The following OR6N1 variants were observed in gnomAD, a reference collection of about 807,000 sequenced individuals.
OR6N1 encodes olfactory receptor 6N1.
For missense variants in OR6N1, 394 were observed against 371.7 expected (o/e 1.06, Z -0.49); for synonymous variants, 170 against 150.7 (o/e 1.13, Z -0.94).
chr1:158,779,693 G>A, the OR6N1 span, among the ~76,000 whole-genome samples: 333 of 152,180 alleles, frequency 2.2e-3, 7 homozygotes, highest in African/African-American at 7.2e-3. Flanking sequence ...AGAAATTCTC[G>A]CTTCATTACA....
chr1:158,767,176 G>T (rs1338351265), intron 1 of OR6N1, among the ~76,000 whole-genome samples: 2 of 151,728 alleles, frequency 1.3e-5, no homozygotes, highest in Admixed American at 6.6e-5. Context: ...CAACTTTCTG[G>T]CTACCAAAGA....
At position 158,765,891 on chromosome 1, in the gene OR6N1, C is replaced by T; in HGVS notation, c.792G>A (p.Lys264=). 1 of 1,614,156 alleles carries T rather than the reference C, an allele frequency of 6.2e-7. No individual in the cohort carries two copies. Among genetic ancestry groups the T allele is most frequent in the East Asian group, 2.2e-5 (1 of 44,868 alleles). ...CCTGGTCATAGTCCAGTGAGTAGCT[C>T]TTCTTCAGCTGCACATACATGGAAA... The part of the protein sequence containing the change: ...SILSMYVQLK[K]SYSLDYDQAL... The change falls in exon 2 of 2, where the codon AAG becomes AAA. Residue 264 remains lysine, a synonymous_variant. Coordinates refer to ENST00000641846, the MANE Select transcript of OR6N1 (RefSeq NM_001005185.2).
chr1:158,797,290 C>G, the OR6N1 span, among the ~76,000 whole-genome samples: 9,180 of 152,204 alleles, frequency 0.06, 329 homozygotes, highest in African/African-American at 0.092. Context: ...AGCTGGCTGT[C>G]CATCTTGAAC....
chr1:158,815,394 C>A, the OR6N1 span, among the ~76,000 whole-genome samples: 1 of 152,100 alleles, frequency 6.6e-6, no homozygotes, highest in East Asian at 1.9e-4. Flanking sequence ...GATTTTGCTA[C>A]CACAACCACC....
At chr1:158,794,142 T>C in the OR6N1 span, among the ~76,000 whole-genome samples, 1 of 152,202 alleles carries the variant, frequency 6.6e-6, no homozygotes, top group African/African-American at 2.4e-5. Context: ...AAAGGCTGTC[T>C]ACAGATGCAC....
chr1:158,765,683 C>T lies in OR6N1; in HGVS notation c.*61G>A. 2 of 1,368,660 alleles carry T rather than the reference C, an allele frequency of 1.5e-6. No individual in the cohort carries two copies. Among genetic ancestry groups the T allele is most frequent in the African/African-American group, 1.4e-5 (1 of 69,478 alleles). The allele number at this position is 1,368,660 out of a possible 1,614,324, so 84.8% of individuals were successfully genotyped here. On this transcript the variant is annotated 3_prime_UTR_variant, in exon 2 of 2. Transcript: ENST00000641846. ...ATTTTTAGTTTCTCGTCTCTGGCCACTGTTGATCCCTGGGGCCACCATATC... is the reference window on the plus strand; with the variant it reads ...ATTTTTAGTTTCTCGTCTCTGGCCATTGTTGATCCCTGGGGCCACCATATC...
At chr1:158,836,141 TA>T in the OR6N1 span, among the ~76,000 whole-genome samples, 1,825 of 150,206 alleles carry the variant, frequency 0.012, 34 homozygotes, top group African/African-American at 0.04. Context: ...TAGCATTTTG[TA>T]AAAAAAAAAT....
the OR6N1 span, among the ~76,000 whole-genome samples, chr1:158,834,064 G>A: frequency 6.6e-6 from 1 of 152,074 alleles, no homozygotes; most frequent in East Asian, 1.9e-4. Flanking sequence ...CATCCTAGGA[G>A]CTCCGATGTT....
the OR6N1 span, among the ~76,000 whole-genome samples, chr1:158,778,891 A>C: frequency 6.6e-6 from 1 of 151,824 alleles, no homozygotes; most frequent in Admixed American, 6.6e-5. Flanking sequence ...GGTGGCGGGC[A>C]CCTGCAGTTC....
upstream of OR6N1, chr1:158,776,667 G>A (rs772640436): frequency 3.4e-6 from 5 of 1,477,186 alleles, no homozygotes; most frequent in Non-Finnish European, 4.7e-6. Flanking sequence ...GGTGAGAAAG[G>A]ACATGGGAAG....
the OR6N1 span, among the ~76,000 whole-genome samples, chr1:158,794,192 G>A: frequency 6.9e-4 from 105 of 152,232 alleles, 2 homozygotes; most frequent in East Asian, 0.019. Flanking sequence ...AGCTTTGTTT[G>A]TAGTAGTAAT....
Position 158,766,031 on chromosome 1 carries a change from A to G in OR6N1, c.652T>C (p.Tyr218His), listed in dbSNP as rs897715392. 1.9e-6 allele frequency: 3 copies of G among 1,614,034 alleles called. No homozygotes were observed. The highest frequency in any genetic ancestry group is 2.7e-5 in the African/African-American group (2 of 74,936). ...LATFLLILCS[Y>H]VQIICTVLRI... ...AGCACTGTGCAGATGATCTGCACAT[A>G]GGAGCAGAGGATCAGCAGGAAGGTG... is the stretch of plus-strand genomic sequence containing the variant. The change falls in exon 2 of 2, where the codon TAT becomes CAT. Residue 218 changes from tyrosine (Y) to histidine (H), a missense_variant. Transcript: ENST00000641846.
chr1:158,776,297 GA>G (rs998553631), upstream of OR6N1: 1 of 157,758 alleles, frequency 6.3e-6, no homozygotes, highest in African/African-American at 2.4e-5. Context: ...ATATTAGTTG[GA>G]AGGTCTGAGC....
At chr1:158,830,381 G>T in the OR6N1 span, among the ~76,000 whole-genome samples, 1 of 152,116 alleles carries the variant, frequency 6.6e-6, no homozygotes, top group South Asian at 2.1e-4. Flanking sequence ...CTCTCTCTAT[G>T]CTGCTGGTTT....
the OR6N1 span, chr1:158,809,108 G>T: frequency 1.3e-5 from 2 of 152,888 alleles, no homozygotes; most frequent in African/African-American, 4.8e-5. Flanking sequence ...TGGGCACTGT[G>T]GTGCTGACAT....
chr1:158,835,436 T>G, the OR6N1 span, among the ~76,000 whole-genome samples: 13 of 152,158 alleles, frequency 8.5e-5, no homozygotes, highest in Non-Finnish European at 1.6e-4. Flanking sequence ...ACAACTGATT[T>G]GTATGTGTTG....
At chr1:158,805,978 C>T in the OR6N1 span, among the ~76,000 whole-genome samples, 13 of 152,252 alleles carry the variant, frequency 8.5e-5, no homozygotes, top group East Asian at 1.9e-3. Flanking sequence ...TAGTAATTAT[C>T]AAGAATTGCT....
chr1:158,773,292 G>A (rs573876967), upstream of OR6N1, among the ~76,000 whole-genome samples: 8 of 151,928 alleles, frequency 5.3e-5, no homozygotes, highest in South Asian at 2.1e-4. Context: ...ACTAGTATAC[G>A]TAGAGTTTAA....
chr1:158,776,602 A>G, upstream of OR6N1: 1 of 747,832 alleles, frequency 1.3e-6, no homozygotes, highest in Non-Finnish European at 2.2e-6. Flanking sequence ...TGAAATTCAG[A>G]GCATGTGTGA....
Sources: gnomAD v4.1 joint callset for allele counts (sites outside exome capture counted in the v4.1 genomes callset) on GRCh38, gnomAD v4.1.1 for gene constraint, MANE v1.5 for transcripts, NCBI Gene and HGNC (gene_info 2026-07-23, HGNC 2026-07-21) for gene names.